Variants in ACCSL observed in about 807,000 individuals in gnomAD.
ACCSL encodes the protein 1-aminocyclopropane-1-carboxylate synthase homolog (inactive) like.
A neutral mutation model predicts 61.7 loss-of-function variants in ACCSL; 55 were observed. That is an observed-to-expected ratio of 0.89 (90% CI 0.72 to 1.12). The LOEUF is 1.12. Ranked by LOEUF, ACCSL falls within the 50% of genes most tolerant of loss-of-function variation. The pLI is 0.00. For synonymous variants in ACCSL, 258 were observed against 264.3 expected, an observed-to-expected ratio of 0.98 and a Z score of 0.23; for missense variants, 632 against 698.0, an observed-to-expected ratio of 0.91 and a Z score of 1.07.
the ACCSL span, among the ~76,000 whole-genome samples, chr11:44,039,755 T>G: frequency 6.6e-6 from 1 of 152,186 alleles, no homozygotes; most frequent in Non-Finnish European, 1.5e-5. Context: ...TTAAACAAGC[T>G]CTCATTAAAG....
the ACCSL span, chr11:43,943,664 C>T: frequency 7.7e-7 from 1 of 1,305,014 alleles, no homozygotes; most frequent in Non-Finnish European, 1.0e-6. The surrounding 1 kb of genome is among the most constrained non-coding windows in gnomAD (Gnocchi z 4.8). Context: ...AGCGCACACC[C>T]ATTCACACTC....
At chr11:43,966,297 A>G in the ACCSL span, among the ~76,000 whole-genome samples, 1 of 152,000 alleles carries the variant, frequency 6.6e-6, no homozygotes, top group South Asian at 2.1e-4. Flanking sequence ...ATAGTGGTGC[A>G]TGCCTGTAAT....
the ACCSL span, among the ~76,000 whole-genome samples, chr11:43,931,251 G>T: frequency 6.6e-6 from 1 of 152,328 alleles, no homozygotes; most frequent in East Asian, 1.9e-4. Flanking sequence ...CGTCATGAGT[G>T]GGGAGGGGCC....
the ACCSL span, among the ~76,000 whole-genome samples, chr11:43,942,031 CGTGCGTGTGTGTGTGTGT>C: frequency 8.7e-6 from 1 of 114,464 alleles, no homozygotes; most frequent in Admixed American, 9.1e-5. Context: ...TGTTTGCATT[CGTGCGTGTGTGTGTGTGT>C]GTGTGTGTGT....
At chr11:44,059,758 C>A in intron 13 of ACCSL, 80 bp from the exon 14 acceptor site, 1 of 1,196,416 alleles carries the variant, frequency 8.4e-7, no homozygotes, top group South Asian at 1.4e-5. Flanking sequence ...TTATGGTTGA[C>A]CATGACCTGG....
the ACCSL span, chr11:43,942,752 CG>C: frequency 4.5e-6 from 1 of 223,964 alleles, no homozygotes; most frequent in Non-Finnish European, 7.4e-6. Flanking sequence ...AGCGCCGGCC[CG>C]GGCCCGCGAG....
the ACCSL span, among the ~76,000 whole-genome samples, chr11:44,040,041 G>A: frequency 6.6e-6 from 1 of 152,244 alleles, no homozygotes; most frequent in South Asian, 2.1e-4. Context: ...GGTTTGCCAA[G>A]GCCACACAGG....
At chr11:43,999,242 A>G in the ACCSL span, among the ~76,000 whole-genome samples, 1 of 152,350 alleles carries the variant, frequency 6.6e-6, no homozygotes, top group African/African-American at 2.4e-5. Flanking sequence ...TATCACATGT[A>G]TAAGGCCTTA....
chr11:43,995,015 G>A, the ACCSL span: 1 of 152,198 alleles, frequency 6.6e-6, no homozygotes, highest in Admixed American at 6.5e-5. Flanking sequence ...ACTCTATAGG[G>A]TGGAATATTT....
the ACCSL span, among the ~76,000 whole-genome samples, chr11:43,928,157 G>A: frequency 6.6e-6 from 1 of 152,156 alleles, no homozygotes; most frequent in African/African-American, 2.4e-5. Flanking sequence ...ATGTTGAGCT[G>A]GAGGGGAGAC....
At chr11:43,979,797 A>C in the ACCSL span, among the ~76,000 whole-genome samples, 2 of 146,392 alleles carry the variant, frequency 1.4e-5, no homozygotes, top group Non-Finnish European at 3.0e-5. Context: ...CAGTGGGCTG[A>C]GATTGCGCGA....
chr11:43,967,167 C>CTTTTTTTTTTTTTT, the ACCSL span, among the ~76,000 whole-genome samples: 171 of 62,704 alleles, frequency 2.7e-3, 27 homozygotes, highest in Admixed American at 3.5e-3. Flanking sequence ...TCTTCTTCTT[C>CTTTTTTTTTTTTTT]TTTTTTTTTT....
At chr11:43,973,179 A>G in the ACCSL span, among the ~76,000 whole-genome samples, 1 of 152,210 alleles carries the variant, frequency 6.6e-6, no homozygotes, top group Non-Finnish European at 1.5e-5. Flanking sequence ...GAAAGACTAC[A>G]TAACATGACT....
the ACCSL span, among the ~76,000 whole-genome samples, chr11:44,021,510 G>T: frequency 1.3e-5 from 2 of 152,072 alleles, no homozygotes; most frequent in Non-Finnish European, 2.9e-5. Flanking sequence ...TGTAGCTTCT[G>T]TATATTAGTT....
At chr11:43,929,894 G>C in the ACCSL span, among the ~76,000 whole-genome samples, 3 of 152,138 alleles carry the variant, frequency 2.0e-5, no homozygotes, top group Admixed American at 6.5e-5. Flanking sequence ...CAACGTCTGT[G>C]TAGACGTGTT....
At chr11:43,963,348 C>T in the ACCSL span, among the ~76,000 whole-genome samples, 4 of 152,316 alleles carry the variant, frequency 2.6e-5, no homozygotes, top group South Asian at 8.3e-4. Flanking sequence ...TTGGGTTTAC[C>T]CAGTGACAAG....
chr11:43,991,321 T>A, the ACCSL span, among the ~76,000 whole-genome samples: 1 of 152,208 alleles, frequency 6.6e-6, no homozygotes, highest in Non-Finnish European at 1.5e-5. Context: ...ATCTGCAAAA[T>A]GAGATCACAG....
chr11:43,943,600 C>G, the ACCSL span: 1 of 1,308,642 alleles, frequency 7.6e-7, no homozygotes, highest in Non-Finnish European at 1.0e-6. This position sits in a 1 kb window ranked among gnomAD's most constrained non-coding sequence, Gnocchi z 4.8. Flanking sequence ...CACTCCATGC[C>G]CTTGTCCGAT....
chr11:43,996,881 C>T, the ACCSL span, among the ~76,000 whole-genome samples: 4 of 150,742 alleles, frequency 2.7e-5, no homozygotes, highest in African/African-American at 4.9e-5. Context: ...GGTGTACACT[C>T]GGCTCACTGC....
Sources: gnomAD v4.1 joint callset for allele counts (sites outside exome capture counted in the v4.1 genomes callset) on GRCh38, gnomAD v4.1.1 for gene constraint, Gnocchi (gnomAD v3.1) non-coding constraint, MANE v1.5 for transcripts, NCBI Gene and HGNC (gene_info 2026-07-23, HGNC 2026-07-21) for gene names.